The following QPCT variants were observed in gnomAD, a reference collection of about 807,000 sequenced individuals.
QPCT encodes EC.
A neutral mutation model predicts 43.4 loss-of-function variants in QPCT; 44 were observed. The ratio of observed to expected loss-of-function variants is 1.01; its 90% CI spans 0.80 to 1.30. The LOEUF is 1.30. Among genes scored for constraint, QPCT ranks in the 50% most tolerant of loss-of-function variants. The pLI is 0.00. For synonymous variants in QPCT, 168 were observed against 168.4 expected, an observed-to-expected ratio of 1.00 and a Z score of 0.02; for missense variants, 526 against 436.5, an observed-to-expected ratio of 1.21 and a Z score of -1.83.
At chr2:37,356,634 G>A (rs887663800) in intron 2 of QPCT, among the ~76,000 whole-genome samples, 2 of 152,180 alleles carry the variant, frequency 1.3e-5, no homozygotes, top group African/African-American at 4.8e-5. Flanking sequence ...GAACTAATTA[G>A]ATTATGCAGC....
intron 1 of QPCT, 82 bp from the exon 2 acceptor site, chr2:37,352,707 T>C (rs1572729456): frequency 6.7e-7 from 1 of 1,502,208 alleles, no homozygotes; most frequent in East Asian, 2.3e-5. Context: ...TTTGAAGTTT[T>C]AAGCAATTAA....
At chr2:37,346,460 A>G (rs1217021222) in intron 1 of QPCT, among the ~76,000 whole-genome samples, 1 of 152,322 alleles carries the variant, frequency 6.6e-6, no homozygotes, top group South Asian at 2.1e-4. Context: ...ATCTAAATGG[A>G]AGGGAATAAA....
chr2:37,360,426 C>G (rs915809872), intron 3 of QPCT, among the ~76,000 whole-genome samples: 2 of 152,152 alleles, frequency 1.3e-5, no homozygotes, highest in Non-Finnish European at 2.9e-5. Flanking sequence ...GCTCAAAATA[C>G]TTCTGGGACT....
At chr2:37,367,482 A>T in intron 4 of QPCT, 74 bp downstream of exon 4, 1 of 1,428,208 alleles carries the variant, frequency 7.0e-7, no homozygotes, top group Non-Finnish European at 9.5e-7. Context: ...AAAGCCAAGT[A>T]AAGACCTAAA....
chr2:37,372,509 C>T (rs200352824), intron 6 of QPCT, 37 bp downstream of exon 6: 64 of 1,502,902 alleles, frequency 4.3e-5, no homozygotes, highest in African/African-American at 4.0e-4. Context: ...TGTGTGTGTG[C>T]GTGCACAGCC....
chr2:37,356,055 T>C (rs1040663181), intron 2 of QPCT, among the ~76,000 whole-genome samples: 6 of 152,202 alleles, frequency 3.9e-5, no homozygotes, highest in African/African-American at 1.4e-4. Context: ...GTTTGCAGAC[T>C]TAACACAAAT....
In QPCT at chr2:37,347,144, T is replaced by TTTTATATA. The variant is rs1389307350; in HGVS notation, c.120+2294_120+2295insTTATATAT. On this transcript the variant is annotated intron_variant, in intron 1 of 6. Transcript: ENST00000338415. ...CATTGGCATCTGGGTATGGGGTGTT[T>TTTTATATA]TATATATATATATATATATAACATA... Among the ~76,000 whole-genome samples, 2 of 55,344 alleles carry TTTTATATA rather than the reference T, an allele frequency of 3.6e-5. 1 individual carries two copies. Among genetic ancestry groups the TTTTATATA allele is most frequent in the African/African-American group, 1.9e-4 (2 of 10,690 alleles). The allele number at this position is 55,344 out of a possible 152,430, so 36.3% of individuals were successfully genotyped here.
intron 3 of QPCT, among the ~76,000 whole-genome samples, chr2:37,366,593 T>C (rs1295642917): frequency 6.6e-6 from 1 of 152,208 alleles, no homozygotes; most frequent in East Asian, 1.9e-4. Flanking sequence ...TTGTTTCAGG[T>C]TGGATTCCCC....
At chr2:37,370,832 C>G (rs1277930065) in intron 5 of QPCT, among the ~76,000 whole-genome samples, 2 of 152,148 alleles carry the variant, frequency 1.3e-5, no homozygotes, top group Non-Finnish European at 1.5e-5. Flanking sequence ...CAAAACAAAA[C>G]AAAGCAAACT....
intron 1 of QPCT, among the ~76,000 whole-genome samples, chr2:37,351,629 C>A (rs142371339): frequency 3.3e-5 from 5 of 152,170 alleles, no homozygotes; most frequent in African/African-American, 1.2e-4. Flanking sequence ...TGCCTGTAAT[C>A]CCAGCACTTT....
At chr2:37,352,675 T>G in intron 1 of QPCT, 114 bp from the exon 2 acceptor site, 1 of 1,319,072 alleles carries the variant, frequency 7.6e-7, no homozygotes, top group South Asian at 1.4e-5. Context: ...TTTACCTCAT[T>G]TGACATAAAG....
intron 1 of QPCT, among the ~76,000 whole-genome samples, chr2:37,347,285 A>G (rs1672526301): frequency 7.1e-6 from 1 of 140,972 alleles, no homozygotes; most frequent in Non-Finnish European, 1.5e-5. Context: ...TGAACTTCAC[A>G]GCAAGCCCCA....
At chr2:37,370,077 T>C (rs920209183) in intron 5 of QPCT, among the ~76,000 whole-genome samples, 1 of 152,036 alleles carries the variant, frequency 6.6e-6, no homozygotes, top group Non-Finnish European at 1.5e-5. Flanking sequence ...CCCAGCTACT[T>C]GATAGGCTGA....
chr2:37,364,621 A>G lies in QPCT; in HGVS notation c.547-2611A>G, dbSNP rs1162771128. Reference sequence around the variant, plus strand: ...GAACTGGATTGCGATGTTTGTGTACATGGAAAAGGACAGAAAGAGACAGAT... The same window carrying G: ...GAACTGGATTGCGATGTTTGTGTACGTGGAAAAGGACAGAAAGAGACAGAT... On this transcript the variant is annotated intron_variant, in intron 3 of 6. Coordinates refer to ENST00000338415, the MANE Select transcript of QPCT (RefSeq NM_012413.4). Among the ~76,000 whole-genome samples, 11 of 152,328 alleles carry G rather than the reference A, an allele frequency of 7.2e-5. 1 individual carries two copies. In the South Asian group the frequency reaches 2.3e-3, roughly 32 times the overall value.
At chr2:37,355,371 A>G (rs930326532) in intron 2 of QPCT, among the ~76,000 whole-genome samples, 1 of 152,228 alleles carries the variant, frequency 6.6e-6, no homozygotes, top group Non-Finnish European at 1.5e-5. Flanking sequence ...GTAGAACTGA[A>G]TTGAAACAAA....
chr2:37,362,618 A>C (rs942533801), intron 3 of QPCT, among the ~76,000 whole-genome samples: 17 of 152,174 alleles, frequency 1.1e-4, no homozygotes, highest in African/African-American at 4.1e-4. Context: ...TTTTTGAAGA[A>C]AGTAGAGAAC....
chr2:37,365,001 A>ATAT (rs141276841), intron 3 of QPCT, among the ~76,000 whole-genome samples: 8,660 of 147,434 alleles, frequency 0.059, 764 homozygotes, highest in East Asian at 0.36. Flanking sequence ...CGCCTCTACA[A>ATAT]TATTATTATT....
chr2:37,353,080 ATGAC>A, intron 2 of QPCT, 145 bp downstream of exon 2: 1 of 949,428 alleles, frequency 1.1e-6, no homozygotes, highest in African/African-American at 1.7e-5. Flanking sequence ...GAAAAATCAA[ATGAC>A]TGAGAGTACA....
rs137938101 is a variant in QPCT at position 37,355,439 on chromosome 2, T to C, written c.267+2504T>C. Among the ~76,000 whole-genome samples, 13 of 152,290 alleles carry C rather than the reference T, an allele frequency of 8.5e-5. No individual in the cohort carries two copies. In the East Asian group the frequency reaches 2.3e-3, roughly 27 times the overall value. On this transcript the variant is annotated intron_variant, in intron 2 of 6. Coordinates refer to ENST00000338415, the MANE Select transcript of QPCT (RefSeq NM_012413.4). Reference sequence around the variant, plus strand: ...CTTTTTGAACACTAGATGAGATGTTTTATAATTTAGAGTTTCAAGGTTGTA... The same window carrying C: ...CTTTTTGAACACTAGATGAGATGTTCTATAATTTAGAGTTTCAAGGTTGTA...
Sources: gnomAD v4.1 joint callset for allele counts (sites outside exome capture counted in the v4.1 genomes callset) on GRCh38, gnomAD v4.1.1 for gene constraint, MANE v1.5 for transcripts, NCBI Gene and HGNC (gene_info 2026-07-23, HGNC 2026-07-21) for gene names.